Variants in NFATC3 observed in about 807,000 individuals in gnomAD.
The protein encoded by NFATC3 is nuclear factor of activated T cells 3.
In NFATC3, 46 loss-of-function variants were observed where a neutral mutation model predicts 98.6. The observed-to-expected ratio is 0.47, with a 90% CI of 0.37 to 0.60. The LOEUF (loss-of-function observed/expected upper bound fraction) is 0.60, where lower values mean the gene tolerates loss of function less well. Ranked by LOEUF, NFATC3 falls within the 20% of genes least tolerant of loss-of-function variation. NFATC3 has a pLI of 0.00. For synonymous variants in NFATC3, 512 were observed against 472.2 expected (o/e 1.08, Z -1.09); for missense variants, 1,256 against 1,295.5 (o/e 0.97, Z 0.47).
intron 3 of NFATC3, among the ~76,000 whole-genome samples, chr16:68,137,822 TAGCC>T: frequency 6.6e-6 from 1 of 152,180 alleles, no homozygotes; most frequent in Non-Finnish European, 1.5e-5. Flanking sequence ...TTCACCGTGT[TAGCC>T]AGGATGGTCA....
chr16:68,130,810 G>C (rs2037075398), intron 3 of NFATC3, among the ~76,000 whole-genome samples: 1 of 152,038 alleles, frequency 6.6e-6, no homozygotes, highest in South Asian at 2.1e-4. Context: ...ATTTTGAGTT[G>C]ATTTTTTTGT....
intron 1 of NFATC3, among the ~76,000 whole-genome samples, chr16:68,092,844 CTT>C (rs2034803281): frequency 6.6e-6 from 1 of 152,106 alleles, no homozygotes; most frequent in African/African-American, 2.4e-5. Context: ...TATTGCTATC[CTT>C]TTATTGGGTT....
chr16:68,105,041 A>T (rs992437861), intron 1 of NFATC3, among the ~76,000 whole-genome samples: 1 of 149,868 alleles, frequency 6.7e-6, no homozygotes, highest in African/African-American at 2.5e-5. Context: ...TCTTAAAAAG[A>T]TGTTGAATTC....
Position 68,142,689 on chromosome 16 carries a change from C to T in NFATC3, c.1402-15180C>T, listed in dbSNP as rs552680633. ...ATGAGACTCATTTGAACCTGGAAGCCAGAGGTTGCAGTGAGCTGAGATCAT... is the reference window on the plus strand; with the variant it reads ...ATGAGACTCATTTGAACCTGGAAGCTAGAGGTTGCAGTGAGCTGAGATCAT... On this transcript the variant is annotated intron_variant, in intron 3 of 9. Transcript: ENST00000346183. Among the ~76,000 whole-genome samples the T allele has an allele frequency of 1.0e-3, 152 of 151,784 alleles. 2 individuals carry two copies. Among genetic ancestry groups the T allele is most frequent in the African/African-American group, 3.0e-3 (126 of 41,380 alleles).
At chr16:68,206,365 A>G (rs1046020163) in intron 9 of NFATC3, among the ~76,000 whole-genome samples, 9 of 152,084 alleles carry the variant, frequency 5.9e-5, no homozygotes, top group Non-Finnish European at 1.2e-4. Flanking sequence ...CATCACCCAA[A>G]CTACAACTCT....
intron 3 of NFATC3, among the ~76,000 whole-genome samples, chr16:68,130,888 T>G (rs570104636): frequency 1.3e-5 from 2 of 152,332 alleles, no homozygotes; most frequent in South Asian, 4.1e-4. Flanking sequence ...CCAGCATAGT[T>G]ATTGAAGAGG....
intron 1 of NFATC3, among the ~76,000 whole-genome samples, chr16:68,094,540 A>G (rs1249034550): frequency 6.6e-6 from 1 of 152,102 alleles, no homozygotes; most frequent in Non-Finnish European, 1.5e-5. Flanking sequence ...CCAATTTGCC[A>G]TCTGCCATTT....
intron 3 of NFATC3, among the ~76,000 whole-genome samples, chr16:68,155,819 C>T (rs1036376892): frequency 9.9e-5 from 15 of 152,148 alleles, no homozygotes; most frequent in African/African-American, 2.9e-4. Flanking sequence ...CAACCATACA[C>T]ACACACACAA....
intron 5 of NFATC3, among the ~76,000 whole-genome samples, chr16:68,171,664 G>A (rs2039468211): frequency 6.6e-6 from 1 of 151,942 alleles, no homozygotes; most frequent in Admixed American, 6.6e-5. Context: ...AAATAAAGAT[G>A]GGGTTTCACC....
At chr16:68,087,819 C>T (rs1003918574) in intron 1 of NFATC3, among the ~76,000 whole-genome samples, 3 of 152,090 alleles carry the variant, frequency 2.0e-5, no homozygotes, top group African/African-American at 7.2e-5. Flanking sequence ...CCTTTTGTGT[C>T]GGACTACCTC....
chr16:68,113,195 C>G (rs925847881), intron 1 of NFATC3, among the ~76,000 whole-genome samples: 1 of 152,166 alleles, frequency 6.6e-6, no homozygotes, highest in Non-Finnish European at 1.5e-5. Flanking sequence ...AGCGTTCTTG[C>G]ATTGATTCTT....
At chr16:68,086,248 C>T (rs1031275875) in intron 1 of NFATC3, among the ~76,000 whole-genome samples, 2 of 152,142 alleles carry the variant, frequency 1.3e-5, no homozygotes, top group Non-Finnish European at 2.9e-5. Context: ...TTTAAGTCTA[C>T]TTTGCTAGAA....
At chr16:68,110,107 C>T (rs894880975) in intron 1 of NFATC3, among the ~76,000 whole-genome samples, 1 of 152,028 alleles carries the variant, frequency 6.6e-6, no homozygotes, top group African/African-American at 2.4e-5. Context: ...TGGGTTCAAG[C>T]AATTCTCCTG....
chr16:68,109,880 C>A (rs918221833), intron 1 of NFATC3, among the ~76,000 whole-genome samples: 5 of 152,088 alleles, frequency 3.3e-5, no homozygotes, highest in Non-Finnish European at 7.4e-5. Context: ...TTATAGTATT[C>A]TCTGTGGTGG....
In NFATC3 at chr16:68,122,301, T is replaced by A. The variant is rs764679152; in HGVS notation, c.418T>A (p.Phe140Ile). The A allele has an allele frequency of 6.2e-7, 1 of 1,614,024 alleles. No homozygotes were observed. The highest frequency in any genetic ancestry group is 1.3e-5 in the African/African-American group (1 of 74,914). The change falls in exon 2 of 10, where the codon TTT becomes ATT. Residue 140 changes from phenylalanine to isoleucine, a missense_variant. Around this residue, in one of 3 missense-constraint regions of NFATC3, gnomAD observed 464 missense variants for 465.7 expected, o/e 1.00. Transcript: ENST00000346183. ...DLQINDPERE[F>I]LERPSRDHLY... ...ACAGATAAATGACCCAGAACGGGAA[T>A]TTTTGGAAAGGCCTTCTAGAGATCA...
At chr16:68,181,340 T>C in intron 6 of NFATC3, 135 bp from the exon 7 acceptor site, 1 of 658,414 alleles carries the variant, frequency 1.5e-6, no homozygotes. Flanking sequence ...TATTTATATT[T>C]TATTTTCATA....
chr16:68,123,025 A>G lies in NFATC3; in HGVS notation c.1142A>G (p.Tyr381Cys), dbSNP rs1224738221. The G allele has an allele frequency of 1.9e-6, 3 of 1,613,714 alleles. No homozygotes were observed. Among genetic ancestry groups the G allele is most frequent in the African/African-American group, 1.3e-5 (1 of 74,924 alleles). ...ATAGATGATGGCCTTGGATCTCAGT[A>G]TCCTTTAAAGAAAGATTCATGTGGT... ...TSIDDGLGSQ[Y>C]PLKKDSCGDQ... The change falls in exon 2 of 10, where the codon TAT (tyrosine) becomes TGT (cysteine). Residue 381 changes from tyrosine (Y) to cysteine (C), a missense_variant. Physicochemically the swap from Tyr to Cys is radical, Grantham distance 194. Coordinates refer to ENST00000346183, the MANE Select transcript of NFATC3 (RefSeq NM_173165.3).
intron 3 of NFATC3, among the ~76,000 whole-genome samples, chr16:68,137,615 CTTCT>C (rs1285802860): frequency 6.6e-6 from 1 of 150,712 alleles, no homozygotes; most frequent in Non-Finnish European, 1.5e-5. Flanking sequence ...TTTCATTTTC[CTTCT>C]TTTTTTTTTT....
chr16:68,200,893 A>G (rs1217075731), intron 9 of NFATC3: 1 of 152,198 alleles, frequency 6.6e-6, no homozygotes, highest in Non-Finnish European at 1.5e-5. Context: ...ACATTAAAAC[A>G]GTTGATTTTA....
Sources: gnomAD v4.1 joint callset for allele counts (sites outside exome capture counted in the v4.1 genomes callset) on GRCh38, gnomAD v4.1.1 for gene constraint, gnomAD v4.1.1 regional missense constraint, MANE v1.5 for transcripts, NCBI Gene and HGNC (gene_info 2026-07-23, HGNC 2026-07-21) for gene names.